Variants in AOPEP observed in about 807,000 individuals in gnomAD.
The protein encoded by AOPEP is aminopeptidase O (putative), also known as aminopeptidase O.
AOPEP carries 77 observed loss-of-function variants against 98.1 expected under a neutral mutation model. The observed-to-expected ratio is 0.78, with a 90% CI of 0.65 to 0.95. The LOEUF (loss-of-function observed/expected upper bound fraction) is 0.95. Ranked by LOEUF, AOPEP falls within the 40% of genes least tolerant of loss-of-function variation. The pLI is 0.00. For missense variants in AOPEP, 1,024 were observed against 1,024.7 expected (o/e 1.00, Z 0.01); for synonymous variants, 346 against 365.3 (o/e 0.95, Z 0.60).
chr9:94,833,137 T>C (rs1347757599), intron 5 of AOPEP, among the ~76,000 whole-genome samples: 2 of 151,724 alleles, frequency 1.3e-5, no homozygotes, highest in East Asian at 3.9e-4. Flanking sequence ...GGTTTCACCA[T>C]GTTGGCCAGG....
chr9:94,849,926 T>C (rs113986867), intron 5 of AOPEP, among the ~76,000 whole-genome samples: 2,127 of 151,982 alleles, frequency 0.014, 53 homozygotes, highest in African/African-American at 0.049. Context: ...TCCCAGCTAC[T>C]TGGGAGGCTG....
intron 5 of AOPEP, among the ~76,000 whole-genome samples, chr9:94,892,631 G>T (rs2049003052): frequency 6.6e-6 from 1 of 152,234 alleles, no homozygotes; most frequent in South Asian, 2.1e-4. Context: ...CATGGAGCAG[G>T]TGCTGACTTC....
At chr9:94,763,897 A>G (rs1838961715) in intron 2 of AOPEP, among the ~76,000 whole-genome samples, 1 of 152,230 alleles carries the variant, frequency 6.6e-6, no homozygotes. Context: ...GAGGAAGAAT[A>G]GACAAATCCA....
chr9:94,750,908 C>T (rs1160800658), intron 1 of AOPEP, among the ~76,000 whole-genome samples: 5 of 151,586 alleles, frequency 3.3e-5, no homozygotes, highest in Admixed American at 1.3e-4. Flanking sequence ...CCACCACGCC[C>T]GGCTAATTTT....
intron 7 of AOPEP, among the ~76,000 whole-genome samples, chr9:94,952,424 C>CT (rs1322440003): frequency 6.6e-6 from 1 of 152,232 alleles, no homozygotes; most frequent in African/African-American, 2.4e-5. Flanking sequence ...TCTCTGCTGT[C>CT]TGTCAACACT....
In AOPEP at chr9:94,779,865, T is replaced by G. The variant is rs1842907330; in HGVS notation, c.964+6697T>G. Among the ~76,000 whole-genome samples the G allele has an allele frequency of 2.0e-5, 3 of 152,174 alleles. No individual in the cohort carries two copies. In the South Asian group the frequency reaches 6.2e-4, roughly 32 times the overall value. ...TTTCATCTCCCTGTAAACTTTTGTT[T>G]ACACAGCATGCTGTGATATCGTTTG... On this transcript the variant is annotated intron_variant, in intron 3 of 16. Coordinates refer to ENST00000375315, the MANE Select transcript of AOPEP (RefSeq NM_001193329.3).
chr9:95,044,708 C>T (rs2065679053), intron 13 of AOPEP, among the ~76,000 whole-genome samples: 1 of 152,054 alleles, frequency 6.6e-6, no homozygotes, highest in Non-Finnish European at 1.5e-5. Flanking sequence ...AGCATAGTGA[C>T]CTGCACACAT....
intron 3 of AOPEP, among the ~76,000 whole-genome samples, chr9:94,781,882 G>C (rs1273165636): frequency 6.6e-6 from 1 of 150,474 alleles, no homozygotes; most frequent in Non-Finnish European, 1.5e-5. Context: ...GTATATCCCT[G>C]CTTCCTAGAA....
chr9:94,966,868 A>C (rs1190040877), intron 9 of AOPEP, among the ~76,000 whole-genome samples: 1 of 152,266 alleles, frequency 6.6e-6, no homozygotes, highest in Non-Finnish European at 1.5e-5. Flanking sequence ...CACAATATTC[A>C]CAGTACAAAT....
chr9:95,035,110 C>G (rs1011043891), intron 13 of AOPEP, among the ~76,000 whole-genome samples: 1 of 151,654 alleles, frequency 6.6e-6, no homozygotes, highest in Non-Finnish European at 1.5e-5. Flanking sequence ...CTAATGCTAT[C>G]CCTCCCCCTG....
At chr9:94,808,041 CTTTCT>C (rs1410329738) in intron 5 of AOPEP, among the ~76,000 whole-genome samples, 1 of 148,390 alleles carries the variant, frequency 6.7e-6, no homozygotes, top group Non-Finnish European at 1.5e-5. Flanking sequence ...TTTCTTTTTT[CTTTCT>C]TTTTTTTTTT....
At chr9:95,064,581 G>C (rs184863453) in intron 14 of AOPEP, among the ~76,000 whole-genome samples, 1 of 152,318 alleles carries the variant, frequency 6.6e-6, no homozygotes, top group East Asian at 1.9e-4. Flanking sequence ...GAGCCACCGC[G>C]CCTGGCCTCG....
chr9:94,908,810 C>G (rs1327674524), intron 5 of AOPEP, among the ~76,000 whole-genome samples: 2 of 152,184 alleles, frequency 1.3e-5, no homozygotes, highest in Non-Finnish European at 2.9e-5. Context: ...TTCACCAATA[C>G]AAATATGTTG....
chr9:95,131,396 G>C, the AOPEP span, among the ~76,000 whole-genome samples: 5 of 152,124 alleles, frequency 3.3e-5, no homozygotes, highest in African/African-American at 1.2e-4. Context: ...GTCCACCCCT[G>C]CTTTGTTTTT....
At chr9:95,120,375 T>C in the AOPEP span, among the ~76,000 whole-genome samples, 3 of 152,164 alleles carry the variant, frequency 2.0e-5, no homozygotes. Context: ...GCTGTCTTTT[T>C]GCCAATACCT....
chr9:95,055,279 C>T (rs1400829358), intron 13 of AOPEP, among the ~76,000 whole-genome samples: 1 of 152,084 alleles, frequency 6.6e-6, no homozygotes, highest in Admixed American at 6.5e-5. Context: ...AAGACTGTGG[C>T]CTGGCTAGTG....
At position 95,059,576 on chromosome 9, in the gene AOPEP, C is replaced by T. The variant is rs554004909; in HGVS notation, c.2116-1118C>T. Reference sequence around the variant, plus strand: ...GGGGTAGGGAGGGTCAGGCAGAGTGCACACTTGGGGGCAGAAAGATGAGGA... The same window carrying T: ...GGGGTAGGGAGGGTCAGGCAGAGTGTACACTTGGGGGCAGAAAGATGAGGA... On this transcript the variant is annotated intron_variant, in intron 13 of 16. Transcript: ENST00000375315. 9.9e-5 allele frequency among the ~76,000 whole-genome samples: 15 copies of T among 151,792 alleles called. No individual in the cohort carries two copies. In the South Asian group the frequency reaches 3.1e-3, roughly 32 times the overall value.
At chr9:94,976,515 T>G (rs2059850548) in intron 10 of AOPEP, among the ~76,000 whole-genome samples, 1 of 152,204 alleles carries the variant, frequency 6.6e-6, no homozygotes, top group African/African-American at 2.4e-5. Context: ...TTAACCTCAG[T>G]TCCCTTTACC....
intron 14 of AOPEP, among the ~76,000 whole-genome samples, chr9:95,072,514 TC>T (rs2068613572): frequency 6.6e-6 from 1 of 152,164 alleles, no homozygotes; most frequent in South Asian, 2.1e-4. Context: ...GCACCTGTAG[TC>T]CCAGCTACTG....
Sources: allele counts gnomAD v4.1 joint callset (sites outside exome capture counted in the v4.1 genomes callset), GRCh38; gene constraint gnomAD v4.1.1; transcripts MANE v1.5; gene names NCBI Gene and HGNC (gene_info 2026-07-23, HGNC 2026-07-21).